ENO4: variants seen among roughly 807,000 people sequenced by gnomAD.
The protein encoded by ENO4 is enolase 4, also known as 2-phospho-D-glycerate hydro-lyase.
In ENO4, 53 loss-of-function variants were observed where a neutral mutation model predicts 63.2. The observed-to-expected ratio is 0.84, with a 90% CI of 0.67 to 1.05. The LOEUF (loss-of-function observed/expected upper bound fraction) is 1.05, where lower values mean the gene tolerates loss of function less well. Ranked by LOEUF, ENO4 falls within the 50% of genes least tolerant of loss-of-function variation. ENO4 has a pLI of 0.00. For missense variants in ENO4, 719 were observed against 772.0 expected, an observed-to-expected ratio of 0.93 and a Z score of 0.81; for synonymous variants, 266 against 283.8, an observed-to-expected ratio of 0.94 and a Z score of 0.63.
At chr10:116,907,832 C>T in intron 10 of ENO4, 1 of 508,734 alleles carries the variant, frequency 2.0e-6, no homozygotes, top group Non-Finnish European at 3.9e-6. Context: ...CTTTTGTCCA[C>T]CAAGGCTAAT....
rs368340847 is a variant in ENO4, at chr10:116,859,018, G to A, written c.514G>A (p.Asp172Asn). ...RIFFASKVQE[D>N]KGRKELEKSL... ...ATTCTTCGCAAGTAAAGTACAAGAAGATAAGGGGAGAAAAGAATTGGAAAA... is the reference window on the plus strand; with the variant it reads ...ATTCTTCGCAAGTAAAGTACAAGAAAATAAGGGGAGAAAAGAATTGGAAAA... The change falls in exon 4 of 14, where the codon GAT (aspartate) becomes AAT (asparagine). Residue 172 changes from aspartate (D) to asparagine (N), a missense_variant. Transcript: ENST00000341276. 1.3e-6 allele frequency: 2 copies of A among 1,535,372 alleles called. No individual in the cohort carries two copies. Among genetic ancestry groups the A allele is most frequent in the Non-Finnish European group, 1.7e-6 (2 of 1,146,572 alleles).
At chr10:116,863,387 C>CACAT (rs60175326) in intron 7 of ENO4, among the ~76,000 whole-genome samples, 29 of 151,610 alleles carry the variant, frequency 1.9e-4, no homozygotes, top group Middle Eastern at 3.4e-3. Flanking sequence ...CACACACACA[C>CACAT]GCACACACCT....
chr10:116,910,404 T>G (rs978056606), intron 10 of ENO4, among the ~76,000 whole-genome samples: 2 of 152,228 alleles, frequency 1.3e-5, no homozygotes, highest in African/African-American at 2.4e-5. Flanking sequence ...TTTTTATAAC[T>G]TATAAATTAT....
In ENO4 at chr10:116,881,637, G is replaced by T. The variant is rs1412378160; in HGVS notation, c.1846G>T (p.Glu616Ter). The T allele has an allele frequency of 6.5e-7, 1 of 1,548,654 alleles. No homozygotes were observed. The highest frequency in any genetic ancestry group is 1.2e-5 in the South Asian group (1 of 83,536). ...VPTFPTQGVE[E>*]SAETGASSG ...CACCTTCCCCACACAAGGTGTAGAG[G>T]AATCAGCCGAAACAGGAGCATCCTC... The change falls in exon 14 of 14, where the codon GAA (glutamate) becomes TAA (stop). Residue 616 changes from glutamate to a stop codon, truncating the protein, a stop_gained. Coordinates refer to ENST00000341276, the MANE Select transcript of ENO4 (RefSeq NM_001242699.2). LOFTEE classifies it low-confidence loss of function (END_TRUNC).
At chr10:116,850,613 C>G (rs748192123) in intron 1 of ENO4, among the ~76,000 whole-genome samples, 8 of 151,810 alleles carry the variant, frequency 5.3e-5, no homozygotes, top group Non-Finnish European at 1.0e-4. Context: ...TATGAAGAGG[C>G]AGATGTGCTG....
rs1366409693 is a variant in ENO4, at chr10:116,868,726, A to G, written c.1047+20A>G. The G allele has an allele frequency of 1.3e-6, 2 of 1,543,352 alleles. No individual in the cohort carries two copies. Among genetic ancestry groups the G allele is most frequent in the Admixed American group, 2.0e-5 (1 of 50,998 alleles). ...GGTCAAGTAAGTCTATATATTGTTT[A>G]CCATCCTTCCATATGACACTGTCTA... On this transcript the variant is annotated intron_variant, in intron 8 of 13. Coordinates refer to ENST00000341276, the MANE Select transcript of ENO4 (RefSeq NM_001242699.2).
chr10:116,893,907 CAAAAT>C (rs1480163939), intron 10 of ENO4, among the ~76,000 whole-genome samples: 4 of 151,966 alleles, frequency 2.6e-5, no homozygotes, highest in Admixed American at 2.6e-4. Context: ...AGAAAGTAAA[CAAAAT>C]AAAATAAAAT....
chr10:116,892,138 T>A (rs1847358909), intron 10 of ENO4, among the ~76,000 whole-genome samples: 1 of 152,216 alleles, frequency 6.6e-6, no homozygotes, highest in African/African-American at 2.4e-5. Flanking sequence ...GCTGAGTGAC[T>A]GCAGCACAGG....
intron 10 of ENO4, among the ~76,000 whole-genome samples, chr10:116,906,030 T>C (rs1847956005): frequency 1.3e-5 from 2 of 152,206 alleles, no homozygotes; most frequent in Non-Finnish European, 2.9e-5. Context: ...GCAGGCACAG[T>C]AAGTTAATGG....
Position 116,849,724 on chromosome 10 carries a change from G to A in ENO4, c.158G>A (p.Gly53Glu). 1 of 1,522,970 alleles carries A rather than the reference G, an allele frequency of 6.6e-7. No individual in the cohort carries two copies. 94.3% of individuals were successfully genotyped at this position (1,522,970 alleles called of 1,614,324 possible). A position where few individuals can be genotyped will look rare whatever the true frequency, so the allele number is the denominator to read the frequency against. The change falls in exon 1 of 14, where the codon GGG becomes GAG. Residue 53 changes from glycine (G) to glutamate (E), a missense_variant. By Grantham distance (98) the Gly-to-Glu change is moderately conservative. Transcript: ENST00000341276. ...TFYLQPADVY[G>E]HLANCFSKLA... Reference sequence around the variant, plus strand: ...TACCTCCAGCCTGCCGACGTCTACGGGCACCTGGTAGGGACCTGGGACAAG... The same window carrying A: ...TACCTCCAGCCTGCCGACGTCTACGAGCACCTGGTAGGGACCTGGGACAAG...
chr10:116,891,824 A>T lies in ENO4; in HGVS notation c.1194+11838A>T, dbSNP rs114557651. Among the ~76,000 whole-genome samples, 1,243 of 152,342 alleles carry T rather than the reference A, an allele frequency of 8.2e-3. 17 individuals are homozygous for T. The highest frequency in any genetic ancestry group is 0.028 in the African/African-American group (1,176 of 41,570). On this transcript the variant is annotated intron_variant, in intron 10 of 10. Coordinates refer to the ENO4 transcript ENST00000369207. Reference sequence around the variant, plus strand: ...AACTTTCTATATTACTACCGATTCTAGCATTATTTTAAAATATAATAAAGG... The same window carrying T: ...AACTTTCTATATTACTACCGATTCTTGCATTATTTTAAAATATAATAAAGG...
rs1405268239 is a variant in ENO4 at position 116,871,196 on chromosome 10, G to A, written c.1119G>A (p.Leu373=). The A allele has an allele frequency of 3.2e-6, 5 of 1,550,500 alleles. No individual in the cohort carries two copies. In the East Asian group the frequency reaches 1.2e-4, roughly 38 times the overall value. The change falls in exon 9 of 14, where the codon CTG becomes CTA. Residue 373 remains leucine (L), a synonymous_variant. Transcript: ENST00000341276. ...ACTGTGACTCCATAGAACAGCCACT[G>A]CTTCTAATACAGGAAATCTGTGCCA... is the stretch of plus-strand genomic sequence containing the variant. ...TINCDSIEQP[L]LLIQEICANL...
intron 8 of ENO4, among the ~76,000 whole-genome samples, chr10:116,869,939 G>A (rs1198780002): frequency 6.6e-6 from 1 of 152,070 alleles, no homozygotes; most frequent in Admixed American, 6.6e-5. Context: ...AGGAGTAAAT[G>A]TATTTACTTT....
chr10:116,851,781 CT>C (rs567087126), intron 1 of ENO4, among the ~76,000 whole-genome samples: 155 of 152,298 alleles, frequency 1.0e-3, no homozygotes, highest in African/African-American at 3.5e-3. Context: ...CACCGAATCA[CT>C]GACTGTTCCC....
chr10:116,878,801 T>C (rs1012403101), intron 11 of ENO4, among the ~76,000 whole-genome samples: 5 of 141,902 alleles, frequency 3.5e-5, no homozygotes, highest in Non-Finnish European at 4.5e-5. Context: ...TGGAGTGCAG[T>C]GGCGCGATCT....
intron 10 of ENO4, chr10:116,911,453 T>C (rs533091914): frequency 1.5e-4 from 225 of 1,547,398 alleles, no homozygotes; most frequent in Non-Finnish European, 1.9e-4. Flanking sequence ...TCATCTATTA[T>C]ATTTCTGTTT....
chr10:116,896,143 G>C (rs1847509536), intron 10 of ENO4, among the ~76,000 whole-genome samples: 1 of 152,026 alleles, frequency 6.6e-6, no homozygotes, highest in Non-Finnish European at 1.5e-5. Flanking sequence ...ACACAGAATG[G>C]AAGTTTCTTG....
At chr10:116,862,121 C>T (rs978756201) in intron 6 of ENO4, among the ~76,000 whole-genome samples, 12 of 152,132 alleles carry the variant, frequency 7.9e-5, no homozygotes, top group African/African-American at 1.9e-4. Context: ...CTGATTCAGC[C>T]ACTCTAATCC....
chr10:116,895,974 C>G (rs1402646742), intron 10 of ENO4, among the ~76,000 whole-genome samples: 2 of 152,164 alleles, frequency 1.3e-5, no homozygotes, highest in African/African-American at 4.8e-5. Flanking sequence ...CCAAAACCCT[C>G]AATCCCCAAA....
Sources: gnomAD v4.1 joint callset for allele counts (sites outside exome capture counted in the v4.1 genomes callset) on GRCh38, gnomAD v4.1.1 for gene constraint, MANE v1.5 for transcripts, NCBI Gene and HGNC (gene_info 2026-07-23, HGNC 2026-07-21) for gene names.